Variants in RANBP2 observed in about 807,000 individuals in gnomAD.
The protein encoded by RANBP2 is RAN binding protein 2.
In RANBP2, 57 loss-of-function variants were observed where a neutral mutation model predicts 303.6. The ratio of observed to expected loss-of-function variants is 0.19; its 90% CI spans 0.15 to 0.23. The LOEUF (loss-of-function observed/expected upper bound fraction) is 0.23. Among genes scored for constraint, RANBP2 ranks in the 10% least tolerant of loss-of-function variants. RANBP2 has a pLI of 1.00. For missense variants in RANBP2, 3,138 were observed against 3,780.8 expected (o/e 0.83, Z 4.46); for synonymous variants, 1,167 against 1,301.5 (o/e 0.90, Z 2.23).
chr2:109,491,051 G>A, the RANBP2 span: 18 of 996,338 alleles, frequency 1.8e-5, no homozygotes, highest in Non-Finnish European at 2.3e-5. Flanking sequence ...TTTACCAGAT[G>A]TACCTCAACA....
the RANBP2 span, among the ~76,000 whole-genome samples, chr2:108,818,263 T>C: frequency 6.6e-6 from 1 of 152,138 alleles, no homozygotes; most frequent in Non-Finnish European, 1.5e-5. Context: ...GCCGTGATTG[T>C]ACCACTGTAC....
the RANBP2 span, among the ~76,000 whole-genome samples, chr2:109,272,319 T>C: frequency 4.6e-5 from 7 of 152,152 alleles, no homozygotes; most frequent in African/African-American, 1.2e-4. Flanking sequence ...CCCCTGAGGG[T>C]ACCTCTGAAA....
chr2:109,364,171 T>G, the RANBP2 span, among the ~76,000 whole-genome samples: 1 of 151,652 alleles, frequency 6.6e-6, no homozygotes, highest in Non-Finnish European at 1.5e-5. Context: ...TTTTTTTTTT[T>G]CTAATTTTTT....
At chr2:109,545,016 A>C in the RANBP2 span, 1 of 985,478 alleles carries the variant, frequency 1.0e-6, no homozygotes, top group Non-Finnish European at 1.2e-6. Context: ...TCCATATTTA[A>C]AAATTGAAAG....
chr2:109,586,304 C>CA, the RANBP2 span, among the ~76,000 whole-genome samples: 1 of 152,156 alleles, frequency 6.6e-6, no homozygotes, highest in African/African-American at 2.4e-5. Flanking sequence ...CAATTACAAG[C>CA]AACCCTTTTA....
the RANBP2 span, among the ~76,000 whole-genome samples, chr2:109,733,510 A>C: frequency 6.6e-6 from 1 of 152,146 alleles, no homozygotes; most frequent in African/African-American, 2.4e-5. Flanking sequence ...CCTTAAGACA[A>C]GGGACAAGAA....
the RANBP2 span, among the ~76,000 whole-genome samples, chr2:109,073,493 C>T: frequency 2.0e-5 from 3 of 151,300 alleles, 1 homozygote; most frequent in Non-Finnish European, 3.0e-5. Context: ...ATGGTGAAAC[C>T]CCATCTCTAC....
At chr2:109,001,075 T>C in the RANBP2 span, among the ~76,000 whole-genome samples, 2 of 152,208 alleles carry the variant, frequency 1.3e-5, no homozygotes, top group South Asian at 2.1e-4. Flanking sequence ...TTCTGATAAC[T>C]TTCTCCTTAT....
chr2:109,235,414 G>T, the RANBP2 span, among the ~76,000 whole-genome samples: 1 of 152,162 alleles, frequency 6.6e-6, no homozygotes, highest in African/African-American at 2.4e-5. Flanking sequence ...GTTAGCTGAG[G>T]AGAGTGACTA....
the RANBP2 span, among the ~76,000 whole-genome samples, chr2:109,468,033 A>G: frequency 6.6e-6 from 1 of 152,386 alleles, no homozygotes; most frequent in East Asian, 1.9e-4. Flanking sequence ...GACACACATC[A>G]CATTTGCCCA....
chr2:109,584,008 C>A, the RANBP2 span, among the ~76,000 whole-genome samples: 2 of 151,846 alleles, frequency 1.3e-5, no homozygotes, highest in African/African-American at 2.4e-5. Context: ...GGAAGATACC[C>A]GGTAAAGGCT....
the RANBP2 span, among the ~76,000 whole-genome samples, chr2:109,475,159 A>G: frequency 6.3e-3 from 953 of 151,978 alleles, 14 homozygotes; most frequent in African/African-American, 0.022. Context: ...TTGTATTTTT[A>G]GTAGAGACTT....
rs201006598 is a variant in RANBP2 at position 108,781,440 on chromosome 2, A to G, written c.8760+11A>G. On this transcript the variant is annotated intron_variant, in intron 26 of 28. Coordinates refer to ENST00000283195, the MANE Select transcript of RANBP2 (RefSeq NM_006267.5). ...GTGTCACTACCAGAGGTAAATGTTA[A>G]GGAATTAACCTTTTACTAATAACTT... 6.4e-5 allele frequency: 104 copies of G among 1,613,356 alleles called. No homozygotes were observed. Among genetic ancestry groups the G allele is most frequent in the Non-Finnish European group, 8.6e-5 (101 of 1,179,410 alleles).
chr2:108,796,660 T>C, the RANBP2 span, among the ~76,000 whole-genome samples: 2 of 152,162 alleles, frequency 1.3e-5, no homozygotes, highest in Non-Finnish European at 2.9e-5. Context: ...TGAAATCTTA[T>C]CATTGACAGC....
At position 108,755,284 on chromosome 2, in the gene RANBP2, G is replaced by A. The variant is rs569478751; in HGVS notation, c.2466+25G>A. 9 of 1,611,264 alleles carry A rather than the reference G, an allele frequency of 5.6e-6. No homozygotes were observed. The Admixed American group carries it at 6.7e-5, about 12-fold the overall frequency. ...GGTAAGTCACTTAATTTCTCTAGCT[G>A]TACTTTTTATTCCAAGATTCCTTCC... On this transcript the variant is annotated intron_variant, in intron 17 of 28. Transcript: ENST00000283195.
the RANBP2 span, among the ~76,000 whole-genome samples, chr2:109,044,348 A>G: frequency 0.87 from 132,470 of 151,556 alleles, 59,714 homozygotes; most frequent in Non-Finnish European, 0.98. Flanking sequence ...GTGAAACCCC[A>G]TCTCTACTAA....
the RANBP2 span, among the ~76,000 whole-genome samples, chr2:109,340,207 T>C: frequency 6.6e-6 from 1 of 152,244 alleles, no homozygotes; most frequent in Middle Eastern, 3.4e-3. Flanking sequence ...CTCTCGGACC[T>C]TGGACAAGTT....
At chr2:109,691,759 C>T in the RANBP2 span, among the ~76,000 whole-genome samples, 2 of 142,618 alleles carry the variant, frequency 1.4e-5, no homozygotes, top group African/African-American at 2.6e-5. Context: ...CAACTTTAGG[C>T]CCCCTGGAAA....
chr2:109,119,057 C>T, the RANBP2 span, among the ~76,000 whole-genome samples: 3 of 152,218 alleles, frequency 2.0e-5, no homozygotes, highest in South Asian at 2.1e-4. Context: ...TGGAAGGCAT[C>T]GTCCTAGGTG....
Sources: gnomAD v4.1 joint callset for allele counts (sites outside exome capture counted in the v4.1 genomes callset) on GRCh38, gnomAD v4.1.1 for gene constraint, MANE v1.5 for transcripts, NCBI Gene and HGNC (gene_info 2026-07-23, HGNC 2026-07-21) for gene names.